The following CALN1 variants were observed in gnomAD, a reference collection of about 807,000 sequenced individuals.
CALN1 encodes the protein calneuron 1.
CALN1 carries 17 observed loss-of-function variants against 30.6 expected under a neutral mutation model. The ratio of observed to expected loss-of-function variants is 0.56; its 90% CI spans 0.38 to 0.83. The LOEUF (loss-of-function observed/expected upper bound fraction) is 0.83. Among genes scored for constraint, CALN1 ranks in the 40% least tolerant of loss-of-function variants. The pLI, the probability that CALN1 is intolerant of heterozygous loss-of-function variation, is 0.00. For missense variants in CALN1, 291 were observed against 354.9 expected (o/e 0.82, Z 1.45); for synonymous variants, 156 against 131.4 (o/e 1.19, Z -1.28).
intron 3 of CALN1, among the ~76,000 whole-genome samples, chr7:72,119,268 T>C (rs943018583): frequency 1.3e-5 from 2 of 151,394 alleles, no homozygotes; most frequent in Non-Finnish European, 2.9e-5. Flanking sequence ...TGGTAGAAGG[T>C]GAAAGGCATG....
chr7:72,233,377 G>A (rs544155085), intron 3 of CALN1, among the ~76,000 whole-genome samples: 1 of 152,012 alleles, frequency 6.6e-6, no homozygotes, highest in African/African-American at 2.4e-5. Flanking sequence ...AAGGGGCTAA[G>A]GGGAGAAGAG....
intron 5 of CALN1, among the ~76,000 whole-genome samples, chr7:71,996,590 C>T (rs950229691): frequency 6.6e-5 from 10 of 152,172 alleles, no homozygotes; most frequent in Admixed American, 3.9e-4. Context: ...GCATAGTATT[C>T]CGTGGTGTAT....
intron 5 of CALN1, among the ~76,000 whole-genome samples, chr7:71,882,688 AAAC>A (rs1792646608): frequency 6.6e-6 from 1 of 152,014 alleles, no homozygotes. Flanking sequence ...TTAAAAAAAA[AAAC>A]AACTTTTTAA....
chr7:72,046,133 C>CA (rs1428265246), intron 4 of CALN1, among the ~76,000 whole-genome samples: 2 of 151,550 alleles, frequency 1.3e-5, no homozygotes, highest in Admixed American at 1.3e-4. Flanking sequence ...GGCAACCCAG[C>CA]AAAACCCTGT....
chr7:72,123,518 CGA>C (rs1808535149), intron 3 of CALN1, among the ~76,000 whole-genome samples: 1 of 152,114 alleles, frequency 6.6e-6, no homozygotes, highest in Non-Finnish European at 1.5e-5. Flanking sequence ...CTTGCAAATA[CGA>C]GAGGCCCTGG....
chr7:71,818,286 G>A (rs1788383618), intron 5 of CALN1, among the ~76,000 whole-genome samples: 1 of 152,074 alleles, frequency 6.6e-6, no homozygotes, highest in African/African-American at 2.4e-5. Flanking sequence ...AGTGAGGGGA[G>A]GGTGGGAAAA....
At chr7:72,251,072 C>G (rs1795521375) in intron 3 of CALN1, among the ~76,000 whole-genome samples, 1 of 152,112 alleles carries the variant, frequency 6.6e-6, no homozygotes. Context: ...AGGCTGCACC[C>G]TTTCAAGCTC....
chr7:72,177,267 G>A (rs1789423302), intron 3 of CALN1, among the ~76,000 whole-genome samples: 1 of 152,186 alleles, frequency 6.6e-6, no homozygotes, highest in South Asian at 2.1e-4. Flanking sequence ...CCCTGACTTA[G>A]AGAGGAGGAC....
At chr7:72,097,218 T>C (rs961140707) in intron 4 of CALN1, among the ~76,000 whole-genome samples, 3 of 152,020 alleles carry the variant, frequency 2.0e-5, no homozygotes, top group Non-Finnish European at 2.9e-5. Context: ...AAATGACGAA[T>C]TAATAGGTGC....
intron 3 of CALN1, among the ~76,000 whole-genome samples, chr7:72,267,268 C>T (rs879408099): frequency 6.6e-6 from 1 of 152,046 alleles, no homozygotes; most frequent in Non-Finnish European, 1.5e-5. Context: ...TACAAGAAAA[C>T]GTAGGATGGA....
chr7:72,335,941 C>T (rs956331183), intron 2 of CALN1, among the ~76,000 whole-genome samples: 1 of 152,198 alleles, frequency 6.6e-6, no homozygotes, highest in South Asian at 2.1e-4. Context: ...GAAGTTCACT[C>T]CGCGCTGCGC....
chr7:72,370,402 T>A (rs905380753), intron 2 of CALN1, among the ~76,000 whole-genome samples: 1 of 152,108 alleles, frequency 6.6e-6, no homozygotes, highest in African/African-American at 2.4e-5. Flanking sequence ...ATAAGACATG[T>A]GATTGACTTT....
intron 5 of CALN1, among the ~76,000 whole-genome samples, chr7:71,840,304 C>T (rs535775798): frequency 4.0e-4 from 60 of 151,614 alleles, no homozygotes; most frequent in African/African-American, 1.4e-3. Flanking sequence ...TGTGTGACAC[C>T]ACAAGACCCG....
At chr7:72,377,500 A>C (rs1804639281) in intron 2 of CALN1, among the ~76,000 whole-genome samples, 1 of 145,270 alleles carries the variant, frequency 6.9e-6, no homozygotes, top group Admixed American at 6.9e-5. Context: ...TTTTTTATTG[A>C]ATGCTGAACA....
At chr7:71,857,853 C>T (rs1791046884) in intron 5 of CALN1, among the ~76,000 whole-genome samples, 1 of 152,110 alleles carries the variant, frequency 6.6e-6, no homozygotes, top group Admixed American at 6.6e-5. Context: ...TAGCTGAGTC[C>T]TTCATGGTTC....
chr7:72,041,393 T>C (rs1377693290), intron 4 of CALN1, among the ~76,000 whole-genome samples: 1 of 152,018 alleles, frequency 6.6e-6, no homozygotes, highest in Non-Finnish European at 1.5e-5. Flanking sequence ...TTTTATTTTT[T>C]TTATTTTTGA....
chr7:72,140,304 G>C (rs1809813912), intron 3 of CALN1, among the ~76,000 whole-genome samples: 1 of 106,494 alleles, frequency 9.4e-6, no homozygotes, highest in South Asian at 3.6e-4. Context: ...GAGAGAGAGA[G>C]AAGAAAGAGA....
At chr7:72,172,341 G>C (rs567884114) in intron 3 of CALN1, among the ~76,000 whole-genome samples, 2 of 152,318 alleles carry the variant, frequency 1.3e-5, no homozygotes, top group African/African-American at 4.8e-5. Context: ...GTCACATTCA[G>C]ACCATTTGTA....
At chr7:72,100,601 G>A (rs941973166) in intron 4 of CALN1, among the ~76,000 whole-genome samples, 5 of 151,942 alleles carry the variant, frequency 3.3e-5, no homozygotes, top group East Asian at 1.9e-4. Context: ...GGCAGATCAC[G>A]AGGTCAGGAG....
Sources: gnomAD v4.1 joint callset for allele counts (sites outside exome capture counted in the v4.1 genomes callset) on GRCh38, gnomAD v4.1.1 for gene constraint, MANE v1.5 for transcripts, NCBI Gene and HGNC (gene_info 2026-07-23, HGNC 2026-07-21) for gene names.